The following EXOC6B variants were observed in gnomAD, a reference collection of about 807,000 sequenced individuals.
EXOC6B encodes the protein exocyst complex component 6B.
In EXOC6B, 54 loss-of-function variants were observed where a neutral mutation model predicts 113.5. That is an observed-to-expected ratio of 0.48 (90% CI 0.38 to 0.60). The LOEUF (loss-of-function observed/expected upper bound fraction) is 0.60. EXOC6B is among the 20% of genes least tolerant of loss of function. EXOC6B has a pLI of 0.00. For synonymous variants in EXOC6B, 357 were observed against 339.0 expected (o/e 1.05, Z -0.58); for missense variants, 797 against 977.5 (o/e 0.82, Z 2.46).
At chr2:72,373,433 T>G (rs1691161947) in intron 19 of EXOC6B, among the ~76,000 whole-genome samples, 2 of 151,964 alleles carry the variant, frequency 1.3e-5, no homozygotes, top group Non-Finnish European at 2.9e-5. Context: ...CACAACAAGT[T>G]AAAAAGTTTA....
intron 8 of EXOC6B, among the ~76,000 whole-genome samples, chr2:72,529,773 G>A (rs1005843959): frequency 6.6e-6 from 1 of 152,062 alleles, no homozygotes; most frequent in Non-Finnish European, 1.5e-5. Context: ...CTAGAGGGAA[G>A]TTTTTAAATT....
chr2:72,814,007 C>T (rs752485877), intron 1 of EXOC6B, among the ~76,000 whole-genome samples: 19 of 152,182 alleles, frequency 1.2e-4, no homozygotes, highest in South Asian at 8.3e-4. Context: ...ATGTTGAGAA[C>T]AACAAGAAGA....
At chr2:72,320,739 A>G (rs1687799985) in intron 20 of EXOC6B, among the ~76,000 whole-genome samples, 1 of 152,236 alleles carries the variant, frequency 6.6e-6, no homozygotes, top group Non-Finnish European at 1.5e-5. Flanking sequence ...GTATGTCACT[A>G]AAATCAGAAG....
intron 18 of EXOC6B, among the ~76,000 whole-genome samples, chr2:72,403,922 C>G (rs957634928): frequency 6.6e-6 from 1 of 152,080 alleles, no homozygotes; most frequent in African/African-American, 2.4e-5. Flanking sequence ...ATCGCCTCAC[C>G]CAGGAAGTGC....
At chr2:72,433,719 G>A (rs1006651912) in intron 18 of EXOC6B, among the ~76,000 whole-genome samples, 1 of 152,094 alleles carries the variant, frequency 6.6e-6, no homozygotes, top group Non-Finnish European at 1.5e-5. Flanking sequence ...TCTATTATTG[G>A]TGTATAGGAA....
intron 20 of EXOC6B, among the ~76,000 whole-genome samples, chr2:72,233,716 C>T (rs1353015374): frequency 6.6e-6 from 1 of 152,170 alleles, no homozygotes; most frequent in Non-Finnish European, 1.5e-5. Context: ...AAGATTGTTC[C>T]ACACCCTCAC....
Position 72,236,626 on chromosome 2 carries a change from T to C in EXOC6B, c.2197-52439A>G, listed in dbSNP as rs1681974106. ...GCATGTTTGGCCCATGATGATTCAA[T>C]CAATTAGCAATGCAATTCACAGGCA... is the stretch of plus-strand genomic sequence containing the variant. On this transcript the variant is annotated intron_variant, in intron 20 of 21. Coordinates refer to ENST00000272427, the MANE Select transcript of EXOC6B (RefSeq NM_015189.3). Among the ~76,000 whole-genome samples, 4 of 152,176 alleles carry C rather than the reference T, an allele frequency of 2.6e-5. No individual in the cohort carries two copies. The South Asian group carries it at 8.3e-4, about 32-fold the overall frequency.
chr2:72,778,453 A>G (rs1367066870), intron 1 of EXOC6B, among the ~76,000 whole-genome samples: 1 of 152,188 alleles, frequency 6.6e-6, no homozygotes, highest in African/African-American at 2.4e-5. Flanking sequence ...CTCAAACTCT[A>G]TTCTGCATAC....
intron 20 of EXOC6B, among the ~76,000 whole-genome samples, chr2:72,320,072 T>G (rs1341359504): frequency 6.6e-6 from 1 of 151,868 alleles, no homozygotes; most frequent in Non-Finnish European, 1.5e-5. Flanking sequence ...CCTGACCTCG[T>G]GATCCATCCA....
chr2:72,725,062 C>T (rs2104750425), intron 5 of EXOC6B, among the ~76,000 whole-genome samples: 1 of 152,244 alleles, frequency 6.6e-6, no homozygotes, highest in South Asian at 2.1e-4. Flanking sequence ...ACCCACAGAT[C>T]CAAGAAGCTA....
intron 1 of EXOC6B, among the ~76,000 whole-genome samples, chr2:72,781,463 T>C (rs1684029727): frequency 6.6e-6 from 1 of 152,210 alleles, no homozygotes; most frequent in Admixed American, 6.5e-5. Context: ...AGTAAGCTTT[T>C]TCTGTAAATA....
chr2:72,254,673 A>C (rs1177623149), intron 20 of EXOC6B, among the ~76,000 whole-genome samples: 1 of 152,194 alleles, frequency 6.6e-6, no homozygotes, highest in Non-Finnish European at 1.5e-5. Context: ...TGATAGAAAA[A>C]GCCTAGATTG....
chr2:72,518,991 T>C (rs1160802020), intron 8 of EXOC6B, among the ~76,000 whole-genome samples: 2 of 152,154 alleles, frequency 1.3e-5, no homozygotes, highest in East Asian at 1.9e-4. Flanking sequence ...GGTTTGACAG[T>C]GGTTTCATCT....
At chr2:72,228,266 G>C (rs556215878) in intron 20 of EXOC6B, among the ~76,000 whole-genome samples, 6 of 151,750 alleles carry the variant, frequency 4.0e-5, no homozygotes, top group African/African-American at 1.5e-4. Context: ...TAAATCTCAG[G>C]TTTCTTTTTT....
intron 6 of EXOC6B, among the ~76,000 whole-genome samples, chr2:72,670,298 AT>A (rs1409593245): frequency 1.3e-5 from 2 of 152,116 alleles, no homozygotes; most frequent in African/African-American, 4.8e-5. Flanking sequence ...AGGGCATCAT[AT>A]TTTTGTGAAT....
At chr2:72,814,437 A>G (rs1298675387) in intron 1 of EXOC6B, among the ~76,000 whole-genome samples, 2 of 152,236 alleles carry the variant, frequency 1.3e-5, no homozygotes, top group Non-Finnish European at 2.9e-5. Flanking sequence ...TTCAAAGTGC[A>G]TGTCAATATG....
chr2:72,756,832 G>T (rs963822290), intron 1 of EXOC6B, among the ~76,000 whole-genome samples: 12 of 152,010 alleles, frequency 7.9e-5, no homozygotes, highest in Non-Finnish European at 1.5e-4. Flanking sequence ...ATGAGGGAAA[G>T]GAAAAGGAAG....
intron 18 of EXOC6B, among the ~76,000 whole-genome samples, chr2:72,435,461 G>A (rs886141354): frequency 6.6e-6 from 1 of 152,184 alleles, no homozygotes; most frequent in Non-Finnish European, 1.5e-5. Context: ...GGATATCCTT[G>A]TTAATTTTCT....
At chr2:72,550,942 G>A (rs1573375034) in intron 8 of EXOC6B, among the ~76,000 whole-genome samples, 1 of 142,822 alleles carries the variant, frequency 7.0e-6, no homozygotes, top group East Asian at 2.0e-4. Context: ...TTTTTGAGAC[G>A]GAGTCTCACC....
Sources: gnomAD v4.1 joint callset for allele counts (sites outside exome capture counted in the v4.1 genomes callset) on GRCh38, gnomAD v4.1.1 for gene constraint, MANE v1.5 for transcripts, NCBI Gene and HGNC (gene_info 2026-07-23, HGNC 2026-07-21) for gene names.